Variants in SLC38A6 observed in about 807,000 individuals in gnomAD.
SLC38A6 encodes solute carrier family 38 member 6.
Under a neutral mutation model 65.0 loss-of-function variants are expected in SLC38A6, and 73 were observed. The ratio of observed to expected loss-of-function variants is 1.12; its 90% CI spans 0.93 to 1.37. SLC38A6 has a LOEUF of 1.37. Among genes scored for constraint, SLC38A6 ranks in the 40% most tolerant of loss-of-function variants. The pLI, the probability that SLC38A6 is intolerant of heterozygous loss-of-function variation, is 0.00. For synonymous variants in SLC38A6, 183 were observed against 178.8 expected, an observed-to-expected ratio of 1.02 and a Z score of -0.19; for missense variants, 561 against 531.1, an observed-to-expected ratio of 1.06 and a Z score of -0.55.
intron 3 of SLC38A6, among the ~76,000 whole-genome samples, chr14:60,989,834 C>A (rs1442037813): frequency 6.6e-6 from 1 of 152,198 alleles, no homozygotes; most frequent in Non-Finnish European, 1.5e-5. Context: ...ATTGCTAAAT[C>A]CAATGATCAG....
At position 61,039,524 on chromosome 14, in the gene SLC38A6, A is replaced by ATTT. The variant is rs5809078; in HGVS notation, c.624+1857_624+1859dup. 1.6e-3 allele frequency among the ~76,000 whole-genome samples: 214 copies of ATTT among 130,586 alleles called. 2 individuals are homozygous for ATTT. The highest frequency in any genetic ancestry group is 5.3e-3 in the African/African-American group (185 of 34,804). 85.7% of individuals were successfully genotyped at this position (130,586 alleles called of 152,430 possible). On this transcript the variant is annotated intron_variant, in intron 8 of 15. Transcript: ENST00000267488. The stretch of plus-strand genomic sequence containing the variant: ...TAGCTGGGATTTCAGGTGCATGCTA[A>ATTT]TTTTTTTTTTTTTTTTTTGTATTTT...
intron 3 of SLC38A6, among the ~76,000 whole-genome samples, chr14:61,009,012 A>G (rs2039353637): frequency 6.6e-6 from 1 of 152,208 alleles, no homozygotes. Context: ...CAACCATGAA[A>G]TGTGCTAAGC....
At chr14:61,011,342 T>A (rs1374654007) in intron 3 of SLC38A6, among the ~76,000 whole-genome samples, 1 of 152,172 alleles carries the variant, frequency 6.6e-6, no homozygotes, top group Non-Finnish European at 1.5e-5. Flanking sequence ...ACAATTTGAC[T>A]TCCTCTTTTC....
At chr14:61,076,908 C>T (rs536096046) in intron 15 of SLC38A6, among the ~76,000 whole-genome samples, 69 of 152,242 alleles carry the variant, frequency 4.5e-4, no homozygotes, top group Non-Finnish European at 6.9e-4. Flanking sequence ...GGATGTCTTA[C>T]GAAACAATGT....
chr14:60,992,834 G>C (rs563059247), intron 3 of SLC38A6, among the ~76,000 whole-genome samples: 5 of 151,134 alleles, frequency 3.3e-5, no homozygotes, highest in African/African-American at 1.2e-4. Flanking sequence ...GACTTCCTAT[G>C]AGTTCCTGCC....
chr14:60,982,897 TAA>T (rs2037168948), intron 2 of SLC38A6, among the ~76,000 whole-genome samples: 1 of 152,182 alleles, frequency 6.6e-6, no homozygotes, highest in African/African-American at 2.4e-5. Flanking sequence ...ATATGACACT[TAA>T]GAGTGGCATA....
chr14:61,007,706 T>TCTCATGCCTCA (rs11274436), intron 3 of SLC38A6, among the ~76,000 whole-genome samples: 4 of 152,014 alleles, frequency 2.6e-5, no homozygotes, highest in Non-Finnish European at 5.9e-5. Flanking sequence ...AACACCGATA[T>TCTCATGCCTCA]AAGTGACATA....
chr14:61,022,978 G>A (rs1174523730), intron 5 of SLC38A6, among the ~76,000 whole-genome samples: 2 of 152,094 alleles, frequency 1.3e-5, no homozygotes, highest in Admixed American at 1.3e-4. Context: ...ATTAAATGTT[G>A]AAGATTTTCT....
At chr14:61,049,068 T>A (rs903582764) in intron 12 of SLC38A6, among the ~76,000 whole-genome samples, 2 of 152,206 alleles carry the variant, frequency 1.3e-5, no homozygotes, top group African/African-American at 4.8e-5. Flanking sequence ...ATCACTAGTC[T>A]AGTTCAGATT....
chr14:61,014,820 C>T (rs1439649434), intron 3 of SLC38A6, among the ~76,000 whole-genome samples: 5 of 152,118 alleles, frequency 3.3e-5, no homozygotes, highest in Non-Finnish European at 5.9e-5. Flanking sequence ...CAGTTAGGCT[C>T]CTCGGGGGTC....
chr14:60,999,040 C>T (rs1411977917), intron 3 of SLC38A6, among the ~76,000 whole-genome samples: 1 of 152,146 alleles, frequency 6.6e-6, no homozygotes, highest in Non-Finnish European at 1.5e-5. Flanking sequence ...CTATTGTATT[C>T]AAAGTACCAA....
At position 61,019,682 on chromosome 14, in the gene SLC38A6, T is replaced by C. The variant is rs1322394186; in HGVS notation, c.403+102T>C. Reference sequence around the variant, plus strand: ...ATCTAGCTGGGAACTTCTGTAGACATAGCTATCTTCAGAAGCCTGTGTGTT... The same window carrying C: ...ATCTAGCTGGGAACTTCTGTAGACACAGCTATCTTCAGAAGCCTGTGTGTT... On this transcript the variant is annotated intron_variant, in intron 5 of 15. Transcript: ENST00000267488. 3 of 1,208,520 alleles carry C rather than the reference T, an allele frequency of 2.5e-6. 1 individual carries two copies. The East Asian group carries it at 7.1e-5, about 28-fold the overall frequency. The allele number at this position is 1,208,520 out of a possible 1,614,324, so 74.9% of individuals were successfully genotyped here.
At chr14:61,083,733 A>C, downstream of SLC38A6, 1 of 1,543,510 alleles carries the variant, frequency 6.5e-7, no homozygotes, top group Non-Finnish European at 8.7e-7. Flanking sequence ...TTAATCACCC[A>C]GTTTGTGGTA....
intron 6 of SLC38A6, among the ~76,000 whole-genome samples, chr14:61,032,405 T>C (rs1396556172): frequency 6.6e-6 from 1 of 151,896 alleles, no homozygotes; most frequent in South Asian, 2.1e-4. Context: ...CGTAGCTTCA[T>C]TTTAAATAAT....
intron 3 of SLC38A6, among the ~76,000 whole-genome samples, chr14:61,014,327 G>A (rs910488137): frequency 1.2e-4 from 19 of 152,034 alleles, no homozygotes; most frequent in African/African-American, 4.3e-4. Context: ...CCATGGGTTC[G>A]AACTTCCTCC....
chr14:61,045,494 A>G, intron 11 of SLC38A6, 69 bp downstream of exon 11: 3 of 1,149,870 alleles, frequency 2.6e-6, no homozygotes, highest in Non-Finnish European at 3.8e-6. Context: ...TTCGGATTGA[A>G]TGACATCCTC....
At chr14:61,075,998 G>A (rs948592982) in intron 15 of SLC38A6, among the ~76,000 whole-genome samples, 1 of 152,084 alleles carries the variant, frequency 6.6e-6, no homozygotes, top group Non-Finnish European at 1.5e-5. Context: ...TGGGATTACA[G>A]GCATGAGCCA....
chr14:61,005,061 A>G (rs1169648264), intron 3 of SLC38A6, among the ~76,000 whole-genome samples: 2 of 152,178 alleles, frequency 1.3e-5, no homozygotes, highest in Non-Finnish European at 2.9e-5. Context: ...GTAATCCAGC[A>G]TATAAACAGA....
chr14:61,057,863 C>T (rs1319864867), intron 15 of SLC38A6, among the ~76,000 whole-genome samples: 2 of 129,096 alleles, frequency 1.5e-5, no homozygotes, highest in Admixed American at 7.9e-5. Flanking sequence ...GTGTATGTGT[C>T]GAGGAATGTA....
Sources: allele counts gnomAD v4.1 joint callset (sites outside exome capture counted in the v4.1 genomes callset), GRCh38; gene constraint gnomAD v4.1.1; transcripts MANE v1.5; gene names NCBI Gene and HGNC (gene_info 2026-07-23, HGNC 2026-07-21).